TRIM42: variants seen among roughly 807,000 people sequenced by gnomAD.
The protein encoded by TRIM42 is tripartite motif-containing protein 42.
In TRIM42, 59 loss-of-function variants were observed where a neutral mutation model predicts 64.9. That is an observed-to-expected ratio of 0.91 (90% CI 0.74 to 1.13). TRIM42 has a LOEUF of 1.13. TRIM42 is among the 50% of genes most tolerant of loss of function. The pLI is 0.00. For missense variants in TRIM42, 878 were observed against 929.5 expected (o/e 0.94, Z 0.72); for synonymous variants, 354 against 346.3 (o/e 1.02, Z -0.25).
chr3:140,696,538 T>C (rs191324475), intron 4 of TRIM42, among the ~76,000 whole-genome samples: 1 of 152,348 alleles, frequency 6.6e-6, no homozygotes, highest in Non-Finnish European at 1.5e-5. Flanking sequence ...GGTTATTGAT[T>C]AGTTTGCTAA....
chr3:140,689,785 T>C (rs967993160), intron 3 of TRIM42, among the ~76,000 whole-genome samples: 2 of 151,020 alleles, frequency 1.3e-5, no homozygotes, highest in Admixed American at 6.6e-5. Flanking sequence ...ACATTTCCAA[T>C]TGATACTAGA....
At chr3:140,682,091 A>G (rs1988411388) in intron 1 of TRIM42, among the ~76,000 whole-genome samples, 1 of 152,196 alleles carries the variant, frequency 6.6e-6, no homozygotes, top group Non-Finnish European at 1.5e-5. Flanking sequence ...CCTAGCTGAC[A>G]ACGCCAGTCT....
rs201125421 is a variant in TRIM42 at position 140,688,210 on chromosome 3, G to C, written c.1528G>C (p.Val510Leu). The C allele has an allele frequency of 3.1e-6, 5 of 1,613,950 alleles. No individual in the cohort carries two copies. The highest frequency in any genetic ancestry group is 3.4e-6 in the Non-Finnish European group (4 of 1,180,010). The change falls in exon 3 of 5, where the codon GTG becomes CTG. Residue 510 changes from valine (V) to leucine (L), a missense_variant. Physicochemically the swap from Val to Leu is conservative, Grantham distance 32. Transcript: ENST00000286349. ...SGDSLPSPYP[V>L]HSETMIARKV... ...GGACTCCCTGCCCTCCCCCTACCCC[G>C]TGCACTCAGAAACAATGATTGCCAG...
chr3:140,693,339 A>G (rs1188473637), intron 4 of TRIM42, among the ~76,000 whole-genome samples: 1 of 152,250 alleles, frequency 6.6e-6, no homozygotes, highest in Admixed American at 6.5e-5. Flanking sequence ...TTAACACAAT[A>G]TCTAAATGAG....
At position 140,682,868 on chromosome 3, in the gene TRIM42, C is replaced by A. The variant is rs763391261; in HGVS notation, c.748C>A (p.Arg250Ser). Reference protein sequence around the residue: ...VCRNKRIAYKRCITCRLNLCN... With the variant: ...VCRNKRIAYKSCITCRLNLCN... ...CCGCAACAAGCGCATCGCTTACAAG[C>A]GCTGCATCACCTGCCGCCTCAACCT... Residue 250 changes from arginine (R) to serine (S), a missense_variant, in exon 2 of 5, where the codon CGC becomes AGC. Physicochemically the swap from Arg to Ser is moderately radical, Grantham distance 110. Transcript: ENST00000286349. The A allele has an allele frequency of 2.5e-6, 4 of 1,614,208 alleles. No homozygotes were observed. Among genetic ancestry groups the A allele is most frequent in the Non-Finnish European group, 2.5e-6 (3 of 1,180,036 alleles).
chr3:140,688,089 G>A lies in TRIM42; in HGVS notation c.1407G>A (p.Leu469=). Residue 469 remains leucine (L), a synonymous_variant, in exon 3 of 5, where the codon CTG becomes CTA. Coordinates refer to ENST00000286349, the MANE Select transcript of TRIM42 (RefSeq NM_152616.5). ...TTYRPDPQLR[L]HSINYVPLDF... ...ACAGGCCTGACCCACAGCTCCGGCT[G>A]CACTCAATAAACTACGTGCCCTTGG... is the stretch of plus-strand genomic sequence containing the variant. 1 of 1,614,014 alleles carries A rather than the reference G, an allele frequency of 6.2e-7. No individual in the cohort carries two copies. Among genetic ancestry groups the A allele is most frequent in the Non-Finnish European group, 8.5e-7 (1 of 1,179,900 alleles).
rs761101502 is a variant in TRIM42 at position 140,683,066 on chromosome 3, T to C, written c.946T>C (p.Ser316Pro). Residue 316 changes from serine to proline, a missense_variant, in exon 2 of 5, where the codon TCT becomes CCT. Physicochemically the swap from Ser to Pro is moderately conservative, Grantham distance 74. Transcript: ENST00000286349. ...NKLLCTFCKF[S>P]FHNGHDTISL... is the part of the protein sequence containing the mutation. ...ATTGCTCTGCACCTTCTGCAAGTTC[T>C]CTTTCCACAATGGCCACGACACCAT... 11 of 1,614,252 alleles carry C rather than the reference T, an allele frequency of 6.8e-6. No homozygotes were observed. In the East Asian group the frequency reaches 2.5e-4, roughly 36 times the overall value.
At chr3:140,690,267 TA>T in intron 3 of TRIM42, among the ~76,000 whole-genome samples, 1 of 152,186 alleles carries the variant, frequency 6.6e-6, no homozygotes, top group Middle Eastern at 3.4e-3. Flanking sequence ...AGAGATTTTT[TA>T]AACTCAGTTT....
intron 3 of TRIM42, among the ~76,000 whole-genome samples, chr3:140,690,529 A>ATGTATG (rs1360013409): frequency 2.5e-5 from 2 of 79,250 alleles, no homozygotes; most frequent in African/African-American, 5.8e-5. Flanking sequence ...CCAAGTTTTT[A>ATGTATG]TGTATATATA....
chr3:140,692,524 T>TACACACACACACACACAC (rs1988744390), intron 4 of TRIM42, among the ~76,000 whole-genome samples: 1 of 51,764 alleles, frequency 1.9e-5, no homozygotes, highest in African/African-American at 6.5e-5. Flanking sequence ...CACACACACA[T>TACACACACACACACACAC]ACACATACAC....
chr3:140,698,923 A>G (rs1988923920), intron 4 of TRIM42, among the ~76,000 whole-genome samples: 1 of 152,142 alleles, frequency 6.6e-6, no homozygotes, highest in Non-Finnish European at 1.5e-5. Context: ...AAATTGTGGC[A>G]GTGTTAGTAG....
rs974990965 is a variant in TRIM42, at chr3:140,691,108, C to T, written c.2001C>T (p.His667=). ...TAATGCAGCAAAATCTGGAGCTGCA[C>T]AACCTGACCCCCAACACAGAATACG... ...RDIMQQNLEL[H]NLTPNTEYVF... is the part of the protein sequence containing the mutation. Residue 667 remains histidine (H), a synonymous_variant, in exon 4 of 5, where the codon CAC becomes CAT. Transcript: ENST00000286349. 1.2e-6 allele frequency: 2 copies of T among 1,614,014 alleles called. No individual in the cohort carries two copies. The highest frequency in any genetic ancestry group is 1.1e-5 in the South Asian group (1 of 91,074).
chr3:140,688,213 C>A lies in TRIM42; in HGVS notation c.1531C>A (p.His511Asn). Residue 511 changes from histidine (H) to asparagine (N), a missense_variant, in exon 3 of 5, where the codon CAC becomes AAC. By Grantham distance (68) the His-to-Asn change is moderately conservative. Coordinates refer to ENST00000286349, the MANE Select transcript of TRIM42 (RefSeq NM_152616.5). ...CTCCCTGCCCTCCCCCTACCCCGTGCACTCAGAAACAATGATTGCCAGGAA... is the reference window on the plus strand; with the variant it reads ...CTCCCTGCCCTCCCCCTACCCCGTGAACTCAGAAACAATGATTGCCAGGAA... The part of the protein sequence containing the change: ...GDSLPSPYPV[H>N]SETMIARKVT... 2 of 1,614,236 alleles carry A rather than the reference C, an allele frequency of 1.2e-6. No individual in the cohort carries two copies. Among genetic ancestry groups the A allele is most frequent in the Non-Finnish European group, 1.7e-6 (2 of 1,180,054 alleles).
chr3:140,680,203 A>G (rs770023208), intron 1 of TRIM42, among the ~76,000 whole-genome samples: 1 of 151,900 alleles, frequency 6.6e-6, no homozygotes, highest in Non-Finnish European at 1.5e-5. Flanking sequence ...CTTTTGGAGG[A>G]TGGGCAGGGA....
chr3:140,700,923 T>C lies in TRIM42; in HGVS notation c.2121T>C (p.Ala707=). The C allele has an allele frequency of 6.2e-7, 1 of 1,614,142 alleles. No homozygotes were observed. The highest frequency in any genetic ancestry group is 8.5e-7 in the Non-Finnish European group (1 of 1,179,970). The stretch of plus-strand genomic sequence containing the variant: ...CAGATGGACATGGGAAGAACCGAGC[T>C]AAGTGGGGCCTGCTGAAGAATATCC... ...VTPDGHGKNR[A]KWGLLKNIQS... The change falls in exon 5 of 5, where the codon GCT becomes GCC. Residue 707 remains alanine (A), a synonymous_variant. Transcript: ENST00000286349.
chr3:140,678,352 C>T lies in TRIM42; in HGVS notation c.123C>T (p.Pro41=), dbSNP rs779652756. The T allele has an allele frequency of 7.4e-6, 12 of 1,614,246 alleles. No individual in the cohort carries two copies. The highest frequency in any genetic ancestry group is 9.3e-6 in the Non-Finnish European group (11 of 1,180,054). ...FTSERNCTCF[P]CPYKDERNCQ... Reference sequence around the variant, plus strand: ...CAGAGCGGAACTGCACCTGCTTCCCCTGCCCTTACAAAGATGAGCGGAACT... The same window carrying T: ...CAGAGCGGAACTGCACCTGCTTCCCTTGCCCTTACAAAGATGAGCGGAACT... Residue 41 remains proline (P), a synonymous_variant, in exon 1 of 5, where the codon CCC becomes CCT. Coordinates refer to ENST00000286349, the MANE Select transcript of TRIM42 (RefSeq NM_152616.5).
intron 4 of TRIM42, among the ~76,000 whole-genome samples, chr3:140,700,587 G>C (rs1250831355): frequency 6.6e-6 from 1 of 152,192 alleles, no homozygotes; most frequent in African/African-American, 2.4e-5. Context: ...CTATGGTGAA[G>C]CTCACCTGCG....
rs201488554 is a variant in TRIM42 at position 140,678,293 on chromosome 3, T to C, written c.64T>C (p.Cys22Arg). Residue 22 changes from cysteine to arginine, a missense_variant, in exon 1 of 5, where the codon TGC becomes CGC. Physicochemically the swap from Cys to Arg is radical, Grantham distance 180. Coordinates refer to ENST00000286349, the MANE Select transcript of TRIM42 (RefSeq NM_152616.5). Reference sequence around the variant, plus strand: ...ATGGCAGAGATGTTGTCCTCAGTTATGCTCCTGTCTGTGCTGCAAGTTCAT... The same window carrying C: ...ATGGCAGAGATGTTGTCCTCAGTTACGCTCCTGTCTGTGCTGCAAGTTCAT... ...CTWQRCCPQL[C>R]SCLCCKFIFT... 6.2e-7 allele frequency: 1 copy of C among 1,614,222 alleles called. No individual in the cohort carries two copies. The highest frequency in any genetic ancestry group is 2.2e-5 in the East Asian group (1 of 44,880).
chr3:140,683,479 T>C (rs982461392), intron 2 of TRIM42, among the ~76,000 whole-genome samples: 1 of 152,202 alleles, frequency 6.6e-6, no homozygotes, highest in Non-Finnish European at 1.5e-5. Context: ...GACAAGTGCA[T>C]AAAGATTCTA....
Sources: allele counts gnomAD v4.1 joint callset (sites outside exome capture counted in the v4.1 genomes callset), GRCh38; gene constraint gnomAD v4.1.1; transcripts MANE v1.5; gene names NCBI Gene and HGNC (gene_info 2026-07-23, HGNC 2026-07-21).